The following NRDE2 variants were observed in gnomAD, a reference collection of about 807,000 sequenced individuals.
The protein encoded by NRDE2 is nuclear exosome regulator NRDE2.
NRDE2 carries 76 observed loss-of-function variants against 124.2 expected under a neutral mutation model. The ratio of observed to expected loss-of-function variants is 0.61; its 90% CI spans 0.51 to 0.74. The LOEUF (loss-of-function observed/expected upper bound fraction) is 0.74, where lower values mean the gene tolerates loss of function less well. Among genes scored for constraint, NRDE2 ranks in the 30% least tolerant of loss-of-function variants. The probability of loss-of-function intolerance (pLI) is 0.00; values close to 1 mark genes in which losing one functional copy is unlikely to be tolerated. For synonymous variants in NRDE2, 489 were observed against 528.1 expected, an observed-to-expected ratio of 0.93 and a Z score of 1.01; for missense variants, 1,314 against 1,417.3, an observed-to-expected ratio of 0.93 and a Z score of 1.17.
intron 8 of NRDE2, among the ~76,000 whole-genome samples, chr14:90,293,360 C>T (rs1418415273): frequency 6.6e-6 from 1 of 152,146 alleles, no homozygotes; most frequent in Non-Finnish European, 1.5e-5. Context: ...AAGCAATTCT[C>T]CTGCCTCAGC....
At chr14:90,299,229 G>A (rs1278797806) in intron 7 of NRDE2, among the ~76,000 whole-genome samples, 1 of 151,890 alleles carries the variant, frequency 6.6e-6, no homozygotes, top group Non-Finnish European at 1.5e-5. Context: ...TGTTTTTTTA[G>A]TAGAAACAGG....
intron 3 of NRDE2, among the ~76,000 whole-genome samples, chr14:90,315,333 T>C (rs918739602): frequency 6.6e-6 from 1 of 151,826 alleles, no homozygotes; most frequent in Non-Finnish European, 1.5e-5. Flanking sequence ...ATCGTACCAC[T>C]GCACTCCAGC....
intron 1 of NRDE2, among the ~76,000 whole-genome samples, chr14:90,319,188 G>A (rs1380904690): frequency 6.6e-6 from 1 of 152,178 alleles, no homozygotes; most frequent in Non-Finnish European, 1.5e-5. Context: ...CAGCAAGGGA[G>A]CCCACGGGGG....
Position 90,272,959 on chromosome 14 carries a change from T to G in NRDE2, c.*5377A>C, listed in dbSNP as rs896916916. On this transcript the variant is annotated 3_prime_UTR_variant, in exon 14 of 14. Coordinates refer to ENST00000354366, the MANE Select transcript of NRDE2 (RefSeq NM_017970.4). The surrounding 1 kb of genome is among the most constrained non-coding windows in gnomAD (Gnocchi z 4.5). ...CACTCTGAGGGCAGAAAATAACTAC[T>G]GGTGTTCCCAAGAGACTGAGGATTC... 6.6e-6 allele frequency: 1 copy of G among 152,238 alleles called. No homozygotes were observed. 9.4% of individuals were successfully genotyped at this position (152,238 alleles called of 1,614,324 possible).
chr14:90,281,649 A>G (rs1891957178), intron 12 of NRDE2: 1 of 152,226 alleles, frequency 6.6e-6, no homozygotes, highest in African/African-American at 2.4e-5. Flanking sequence ...GGGGGAAGCA[A>G]CATCTCTAAA....
chr14:90,304,036 T>C lies in NRDE2; in HGVS notation c.904A>G (p.Ser302Gly). 2 of 1,614,122 alleles carry C rather than the reference T, an allele frequency of 1.2e-6. No individual in the cohort carries two copies. Among genetic ancestry groups the C allele is most frequent in the African/African-American group, 2.7e-5 (2 of 75,072 alleles). ...ESKQPDAQPD[S>G]ESAALKAKVE... is the part of the protein sequence containing the mutation. Reference sequence around the variant, plus strand: ...TTGGCCTTGAGAGCCGCACTCTCGCTGTCTGGCTGTGCGTCTGGCTGCTTT... The same window carrying C: ...TTGGCCTTGAGAGCCGCACTCTCGCCGTCTGGCTGTGCGTCTGGCTGCTTT... The change falls in exon 5 of 14, where the codon AGC (serine) becomes GGC (glycine). Residue 302 changes from serine to glycine, a missense_variant. Physicochemically the swap from Ser to Gly is moderately conservative, Grantham distance 56. Transcript: ENST00000354366.
Position 90,290,557 on chromosome 14 carries a change from A to G in NRDE2, c.1893T>C (p.Asp631=). Residue 631 remains aspartate (D), a synonymous_variant, in exon 10 of 14, where the codon GAT becomes GAC. Transcript: ENST00000354366. ...AGGCCTCCACCAGCTGGAACTGAAG[A>G]TCATGGCTGGAAAGTCTGATCAAAG... ...GQSLIRLSSH[D]LQFQLVEAFL... is the part of the protein sequence containing the mutation. 1 of 1,613,740 alleles carries G rather than the reference A, an allele frequency of 6.2e-7. No individual in the cohort carries two copies. The highest frequency in any genetic ancestry group is 8.5e-7 in the Non-Finnish European group (1 of 1,179,844).
chr14:90,303,479 G>A (rs1351684868), intron 5 of NRDE2, among the ~76,000 whole-genome samples: 1 of 152,230 alleles, frequency 6.6e-6, no homozygotes, highest in South Asian at 2.1e-4. Context: ...TAGGGATTCA[G>A]ACAAACCTAC....
chr14:90,289,153 G>A lies in NRDE2; in HGVS notation c.2230-8C>T, dbSNP rs45539242. On this transcript the variant is annotated splice_region_variant and splice_polypyrimidine_tract_variant and intron_variant, in intron 10 of 13. Transcript: ENST00000354366. ...GTGCAGGCACCAAATGACCTACAGG[G>A]AAAAAGAGAAGAATGACTGCAGGTG... 61,830 of 1,581,690 alleles carry A rather than the reference G, an allele frequency of 0.039. 1,462 individuals carry two copies. The highest frequency in any genetic ancestry group is 0.044 in the Non-Finnish European group (51,043 of 1,159,354).
At chr14:90,279,169 T>C in intron 12 of NRDE2, 36 bp from the exon 13 acceptor site, 2 of 1,517,020 alleles carry the variant, frequency 1.3e-6, no homozygotes, top group Non-Finnish European at 1.8e-6. Context: ...ACATGATTAG[T>C]TGACACAGAG....
chr14:90,270,399 A>G lies in NRDE2; in HGVS notation c.*7937T>C. On this transcript the variant is annotated 3_prime_UTR_variant, in exon 14 of 14. Transcript: ENST00000354366. Reference sequence around the variant, plus strand: ...CTTATTTCTGGGAATGTGGCCGTCAATCAGGAAAGAGTCTATATGTGCTCT... The same window carrying G: ...CTTATTTCTGGGAATGTGGCCGTCAGTCAGGAAAGAGTCTATATGTGCTCT... 6.3e-7 allele frequency: 1 copy of G among 1,582,328 alleles called. No homozygotes were observed. Among genetic ancestry groups the G allele is most frequent in the Non-Finnish European group, 8.6e-7 (1 of 1,165,370 alleles).
In NRDE2 at chr14:90,288,557, G is replaced by A. The variant is rs146392222; in HGVS notation, c.2818C>T (p.Pro940Ser). Residue 940 changes from proline to serine, a missense_variant, in exon 11 of 14, where the codon CCA becomes TCA. Coordinates refer to ENST00000354366, the MANE Select transcript of NRDE2 (RefSeq NM_017970.4). ...VFAKLNSSVF[P>S]EGSGEGDSAS... ...CTGTCCCCCTCGCCAGAGCCTTCTG[G>A]GAAAACAGAACTGTTCAGTTTTGCA... The A allele has an allele frequency of 1.9e-6, 3 of 1,613,954 alleles. No homozygotes were observed. Among genetic ancestry groups the A allele is most frequent in the Non-Finnish European group, 2.5e-6 (3 of 1,179,984 alleles).
intron 1 of NRDE2, among the ~76,000 whole-genome samples, chr14:90,327,200 A>T (rs1885470462): frequency 6.6e-6 from 1 of 152,232 alleles, no homozygotes; most frequent in Non-Finnish European, 1.5e-5. Context: ...AGAAAATGTA[A>T]GTGATGATTC....
chr14:90,287,897 T>A (rs996791070), intron 11 of NRDE2, among the ~76,000 whole-genome samples: 1 of 152,132 alleles, frequency 6.6e-6, no homozygotes, highest in African/African-American at 2.4e-5. Flanking sequence ...CCGGTGCTCT[T>A]AGCCATCAGG....
At chr14:90,305,619 G>A (rs1193119155) in intron 4 of NRDE2, among the ~76,000 whole-genome samples, 4 of 152,216 alleles carry the variant, frequency 2.6e-5, no homozygotes, top group Non-Finnish European at 5.9e-5. Context: ...AGTGCCTTAT[G>A]GACGGATGAT....
rs902504341 is a variant in NRDE2 at position 90,269,263 on chromosome 14, A to G, written c.*9073T>C. On this transcript the variant is annotated 3_prime_UTR_variant, in exon 14 of 14. Coordinates refer to ENST00000354366, the MANE Select transcript of NRDE2 (RefSeq NM_017970.4). The stretch of plus-strand genomic sequence containing the variant: ...GCTGAATTTATTTTTTCCGAGCATA[A>G]TTGAGGGAGTGCCATGTGAGTTGAA... 2 of 747,628 alleles carry G rather than the reference A, an allele frequency of 2.7e-6. No individual in the cohort carries two copies. The highest frequency in any genetic ancestry group is 3.5e-5 in the African/African-American group (2 of 56,648). The allele number at this position is 747,628 out of a possible 1,614,324, so 46.3% of individuals were successfully genotyped here.
At chr14:90,297,414 G>T (rs1884213809) in intron 8 of NRDE2, among the ~76,000 whole-genome samples, 1 of 150,714 alleles carries the variant, frequency 6.6e-6, no homozygotes, top group South Asian at 2.1e-4. Flanking sequence ...TTTTTAATGT[G>T]GCCACTAGAA....
intron 1 of NRDE2, among the ~76,000 whole-genome samples, chr14:90,321,445 A>G (rs2139711990): frequency 6.6e-6 from 1 of 151,256 alleles, no homozygotes; most frequent in South Asian, 2.1e-4. Context: ...AAACTTGGCC[A>G]GTATATCTAT....
At position 90,289,238 on chromosome 14, in the gene NRDE2, G is replaced by A. The variant is rs529473404; in HGVS notation, c.2230-93C>T. On this transcript the variant is annotated intron_variant, in intron 10 of 13. Coordinates refer to ENST00000354366, the MANE Select transcript of NRDE2 (RefSeq NM_017970.4). ...AGAAAGCACTGACAGGAAAAAAGGC[G>A]TCTACGCTTCCTCCCTTTATCACGG... 1.8e-4 allele frequency: 177 copies of A among 996,694 alleles called. No homozygotes were observed. In the African/African-American group the frequency reaches 2.2e-3, roughly 13 times the overall value. The allele number at this position is 996,694 out of a possible 1,614,324, so 61.7% of individuals were successfully genotyped here. A position where few individuals can be genotyped will look rare whatever the true frequency, so the allele number is the denominator to read the frequency against.
Sources: allele counts gnomAD v4.1 joint callset (sites outside exome capture counted in the v4.1 genomes callset), GRCh38; gene constraint gnomAD v4.1.1; non-coding constraint Gnocchi (gnomAD v3.1); transcripts MANE v1.5; gene names NCBI Gene and HGNC (gene_info 2026-07-23, HGNC 2026-07-21).